Variants in CACNA1A observed in about 807,000 individuals in gnomAD.
CACNA1A encodes the protein calcium voltage-gated channel subunit alpha1 A, also known as voltage-dependent P/Q-type calcium channel subunit alpha-1A.
A neutral mutation model predicts 262.4 loss-of-function variants in CACNA1A; 57 were observed. The observed-to-expected ratio is 0.22, with a 90% CI of 0.18 to 0.27. The LOEUF is 0.27. CACNA1A is among the 10% of genes least tolerant of loss of function. The pLI is 1.00. For synonymous variants in CACNA1A, 1,431 were observed against 1,419.3 expected (o/e 1.01, Z -0.18); for missense variants, 2,526 against 3,562.8 (o/e 0.71, Z 7.41).
intron 3 of CACNA1A, among the ~76,000 whole-genome samples, chr19:13,383,104 T>C (rs1470332731): frequency 6.6e-6 from 1 of 152,178 alleles, no homozygotes; most frequent in African/African-American, 2.4e-5. Flanking sequence ...CGGAGTGATG[T>C]TCATTCATTT....
chr19:13,347,355 G>A (rs1460126464), intron 6 of CACNA1A, among the ~76,000 whole-genome samples: 6 of 151,842 alleles, frequency 4.0e-5, no homozygotes, highest in East Asian at 1.9e-4. Context: ...TAATGGCCAC[G>A]GTGCCCGGCC....
chr19:13,298,046 C>T (rs2057702524), intron 19 of CACNA1A, among the ~76,000 whole-genome samples: 1 of 152,040 alleles, frequency 6.6e-6, no homozygotes, highest in African/African-American at 2.4e-5. Flanking sequence ...TGTTCTCCAA[C>T]TCCTGACCTC....
chr19:13,493,034 G>A (rs561717334), intron 1 of CACNA1A, among the ~76,000 whole-genome samples: 232 of 152,294 alleles, frequency 1.5e-3, no homozygotes, highest in Non-Finnish European at 2.8e-3. Context: ...AACAGAAGGG[G>A]AAGGAGAGAG....
chr19:13,494,715 G>A (rs1361584729), intron 1 of CACNA1A, among the ~76,000 whole-genome samples: 1 of 152,172 alleles, frequency 6.6e-6, no homozygotes, highest in East Asian at 1.9e-4. Context: ...AATCATGGCA[G>A]AAGGCAAAGG....
At position 13,209,554 on chromosome 19, in the gene CACNA1A, C is replaced by T. The variant is rs867528027; in HGVS notation, c.6340-56G>A. On this transcript the variant is annotated intron_variant, in intron 44 of 46. Coordinates refer to ENST00000360228, the MANE Select transcript of CACNA1A (RefSeq NM_001127222.2). ...GTCAGCAGCTAGCACCAAGTGGTCCCGGTCCTTCCTGCCCCATTGTGGCAG... is the reference window on the plus strand; with the variant it reads ...GTCAGCAGCTAGCACCAAGTGGTCCTGGTCCTTCCTGCCCCATTGTGGCAG... 8.2e-5 allele frequency: 101 copies of T among 1,225,956 alleles called. No individual in the cohort carries two copies. In the African/African-American group the frequency reaches 1.3e-3, roughly 15 times the overall value. The allele number at this position is 1,225,956 out of a possible 1,614,324, so 75.9% of individuals were successfully genotyped here. A position where few individuals can be genotyped will look rare whatever the true frequency, so the allele number is the denominator to read the frequency against.
intron 24 of CACNA1A, among the ~76,000 whole-genome samples, chr19:13,266,162 T>G (rs1210869275): frequency 6.6e-6 from 1 of 152,158 alleles, no homozygotes; most frequent in African/African-American, 2.4e-5. Flanking sequence ...CTTTTGCAGT[T>G]GCAGATTTAT....
At chr19:13,372,454 G>C (rs1213219235) in intron 3 of CACNA1A, among the ~76,000 whole-genome samples, 3 of 152,188 alleles carry the variant, frequency 2.0e-5, no homozygotes, top group Non-Finnish European at 4.4e-5. Flanking sequence ...TTACAGGCGT[G>C]AGCCATGGTG....
At chr19:13,484,032 G>C (rs1979678868) in intron 1 of CACNA1A, among the ~76,000 whole-genome samples, 4 of 152,134 alleles carry the variant, frequency 2.6e-5, no homozygotes, top group African/African-American at 9.7e-5. Context: ...GAGTATGTTT[G>C]GGGATTGGGT....
intron 6 of CACNA1A, among the ~76,000 whole-genome samples, chr19:13,342,419 G>A (rs140770321): frequency 6.6e-6 from 1 of 152,184 alleles, no homozygotes; most frequent in East Asian, 1.9e-4. Context: ...GAGAGTGGGG[G>A]AGGATGGCTT....
At chr19:13,421,305 T>C (rs1302381003) in intron 3 of CACNA1A, among the ~76,000 whole-genome samples, 1 of 152,152 alleles carries the variant, frequency 6.6e-6, no homozygotes, top group African/African-American at 2.4e-5. Context: ...TATGGCAGCA[T>C]ACCTTTGCTA....
At chr19:13,494,958 G>A (rs1490756389) in intron 1 of CACNA1A, among the ~76,000 whole-genome samples, 2 of 152,112 alleles carry the variant, frequency 1.3e-5, no homozygotes, top group Non-Finnish European at 2.9e-5. Flanking sequence ...TCAGTAATCT[G>A]TAATCTCTGA....
rs560647305 is a variant in CACNA1A, at chr19:13,386,552, G to A, written c.540-14773C>T. 7.9e-5 allele frequency among the ~76,000 whole-genome samples: 12 copies of A among 152,284 alleles called. No homozygotes were observed. The South Asian group carries it at 2.5e-3, about 32-fold the overall frequency. Reference sequence around the variant, plus strand: ...GCCTGTAATCCCAGCCCTTTGGGAGGCCGAGGCAGGTGCATCACCTGAGGT... The same window carrying A: ...GCCTGTAATCCCAGCCCTTTGGGAGACCGAGGCAGGTGCATCACCTGAGGT... On this transcript the variant is annotated intron_variant, in intron 3 of 46. Coordinates refer to ENST00000360228, the MANE Select transcript of CACNA1A (RefSeq NM_001127222.2).
intron 1 of CACNA1A, among the ~76,000 whole-genome samples, chr19:13,473,754 C>T (rs1029363960): frequency 2.9e-5 from 2 of 68,988 alleles, no homozygotes; most frequent in Admixed American, 1.3e-4. Context: ...GGCTCCCCCC[C>T]ACCCCCCTGC....
At chr19:13,414,399 C>CA (rs1040694985) in intron 3 of CACNA1A, among the ~76,000 whole-genome samples, 35 of 150,002 alleles carry the variant, frequency 2.3e-4, no homozygotes, top group African/African-American at 4.6e-4. Flanking sequence ...GGCTCTGTCT[C>CA]AAAAAAAAAG....
chr19:13,351,091 A>G (rs564130298), intron 6 of CACNA1A, among the ~76,000 whole-genome samples: 1 of 152,292 alleles, frequency 6.6e-6, no homozygotes, highest in African/African-American at 2.4e-5. Flanking sequence ...ACTAATCTTC[A>G]TCATTTGGTT....
chr19:13,268,424 G>A (rs939641474), intron 24 of CACNA1A, among the ~76,000 whole-genome samples: 12 of 143,078 alleles, frequency 8.4e-5, no homozygotes, highest in Non-Finnish European at 1.8e-4. Context: ...GACCCCTCTG[G>A]AAGTTAGTGA....
At chr19:13,424,993 A>G (rs980128047) in intron 3 of CACNA1A, among the ~76,000 whole-genome samples, 1 of 151,478 alleles carries the variant, frequency 6.6e-6, no homozygotes, top group Non-Finnish European at 1.5e-5. Flanking sequence ...TTTAGTATAG[A>G]TGGGGTTTTA....
At chr19:13,443,922 A>C (rs2060766928) in intron 3 of CACNA1A, among the ~76,000 whole-genome samples, 1 of 152,214 alleles carries the variant, frequency 6.6e-6, no homozygotes, top group South Asian at 2.1e-4. Context: ...AGCGAGGCTC[A>C]ATGTGATAAT....
chr19:13,480,715 G>T (rs1293989366), intron 1 of CACNA1A, among the ~76,000 whole-genome samples: 3 of 152,094 alleles, frequency 2.0e-5, no homozygotes, highest in African/African-American at 4.8e-5. Context: ...ACACATTTTT[G>T]ACTGCACAGG....
Sources: gnomAD v4.1 joint callset for allele counts (sites outside exome capture counted in the v4.1 genomes callset) on GRCh38, gnomAD v4.1.1 for gene constraint, MANE v1.5 for transcripts, NCBI Gene and HGNC (gene_info 2026-07-23, HGNC 2026-07-21) for gene names.